The following TNIK variants were observed in gnomAD, a reference collection of about 807,000 sequenced individuals.
TNIK encodes the protein TRAF2 and NCK interacting kinase, also known as TRAF2 and NCK-interacting protein kinase.
TNIK carries 49 observed loss-of-function variants against 191.3 expected under a neutral mutation model. The ratio of observed to expected loss-of-function variants is 0.26; its 90% CI spans 0.20 to 0.32. The LOEUF (loss-of-function observed/expected upper bound fraction) is 0.32. Among genes scored for constraint, TNIK ranks in the 10% least tolerant of loss-of-function variants. The pLI is 1.00. For missense variants in TNIK, 1,155 were observed against 1,702.3 expected (o/e 0.68, Z 5.66); for synonymous variants, 594 against 600.9 (o/e 0.99, Z 0.17).
intron 23 of TNIK, among the ~76,000 whole-genome samples, chr3:171,092,229 C>T (rs143881885): frequency 1.2e-3 from 189 of 152,022 alleles, no homozygotes; most frequent in African/African-American, 4.1e-3. Flanking sequence ...ATTACAGGCA[C>T]GAGCCACCGC....
chr3:171,173,862 C>A (rs1476036983), intron 9 of TNIK, among the ~76,000 whole-genome samples: 2 of 152,118 alleles, frequency 1.3e-5, no homozygotes, highest in Non-Finnish European at 2.9e-5. Flanking sequence ...GTCACTGTCA[C>A]TTCCAGGGAA....
intron 1 of TNIK, among the ~76,000 whole-genome samples, chr3:171,408,384 T>C (rs936614305): frequency 6.6e-6 from 1 of 152,158 alleles, no homozygotes; most frequent in African/African-American, 2.4e-5. Context: ...CATTTAGCCA[T>C]GAAGGGAAGC....
intron 12 of TNIK, among the ~76,000 whole-genome samples, chr3:171,145,729 G>A (rs1321194484): frequency 6.6e-6 from 1 of 150,940 alleles, no homozygotes; most frequent in African/African-American, 2.4e-5. Context: ...CTAGTTTTAA[G>A]AGATAATCCT....
At chr3:171,241,164 G>A (rs546915166) in intron 2 of TNIK, among the ~76,000 whole-genome samples, 5 of 152,024 alleles carry the variant, frequency 3.3e-5, no homozygotes, top group Non-Finnish European at 2.9e-5. Context: ...CCGAGTAGCT[G>A]GGATTACAGG....
chr3:171,209,865 C>T (rs531813361), intron 4 of TNIK, among the ~76,000 whole-genome samples: 10 of 152,244 alleles, frequency 6.6e-5, no homozygotes, highest in Non-Finnish European at 1.3e-4. Flanking sequence ...TGATTGCATT[C>T]ACTGTCTATA....
intron 2 of TNIK, among the ~76,000 whole-genome samples, chr3:171,272,708 T>G (rs958315898): frequency 6.6e-6 from 1 of 152,202 alleles, no homozygotes; most frequent in Non-Finnish European, 1.5e-5. Flanking sequence ...CTCTGTTAAA[T>G]TTCTCATTCT....
chr3:171,188,853 A>G (rs1188356647), intron 6 of TNIK, 21 bp from the exon 7 acceptor site: 1 of 1,611,518 alleles, frequency 6.2e-7, no homozygotes, highest in Non-Finnish European at 8.5e-7. Context: ...AAAGACAAGT[A>G]AATAAAGTCT....
At chr3:171,436,007 A>T (rs1288111746) in intron 1 of TNIK, among the ~76,000 whole-genome samples, 1 of 151,910 alleles carries the variant, frequency 6.6e-6, no homozygotes, top group Non-Finnish European at 1.5e-5. Context: ...CTAAGACACA[A>T]CACATGCAGA....
intron 18 of TNIK, among the ~76,000 whole-genome samples, chr3:171,111,457 T>C (rs181678816): frequency 6.6e-6 from 1 of 150,732 alleles, no homozygotes; most frequent in African/African-American, 2.4e-5. Flanking sequence ...CAAACCACAA[T>C]GAGATATGAC....
intron 2 of TNIK, among the ~76,000 whole-genome samples, chr3:171,304,911 C>T (rs934335216): frequency 2.7e-5 from 4 of 150,274 alleles, no homozygotes; most frequent in South Asian, 2.1e-4. Flanking sequence ...TAATGCTAAA[C>T]GACAAGTTAA....
At position 171,419,544 on chromosome 3, in the gene TNIK, C is replaced by T. The variant is rs551870629; in HGVS notation, c.57+40463G>A. 1.8e-4 allele frequency among the ~76,000 whole-genome samples: 28 copies of T among 152,254 alleles called. 2 individuals carry two copies. Among genetic ancestry groups the T allele is most frequent in the African/African-American group, 6.3e-4 (26 of 41,550 alleles). Reference sequence around the variant, plus strand: ...AAAAATAATAAACAAATAGACAAGGCTCAAGATGATTGCCTAAGGATGAAA... The same window carrying T: ...AAAAATAATAAACAAATAGACAAGGTTCAAGATGATTGCCTAAGGATGAAA... On this transcript the variant is annotated intron_variant, in intron 1 of 32. Coordinates refer to ENST00000436636, the MANE Select transcript of TNIK (RefSeq NM_015028.4).
At chr3:171,069,561 GAGAA>G (rs1475005402) in intron 29 of TNIK, among the ~76,000 whole-genome samples, 1 of 152,222 alleles carries the variant, frequency 6.6e-6, no homozygotes, top group African/African-American at 2.4e-5. Context: ...TTGGGTGGTA[GAGAA>G]AGAGGTGGGA....
chr3:171,308,441 T>G (rs1753690913), intron 2 of TNIK, among the ~76,000 whole-genome samples: 1 of 151,974 alleles, frequency 6.6e-6, no homozygotes, highest in Admixed American at 6.6e-5. Flanking sequence ...AATGTAAAAC[T>G]TAAAACTATA....
chr3:171,272,681 A>AT (rs60321799), intron 2 of TNIK, among the ~76,000 whole-genome samples: 53,575 of 151,696 alleles, frequency 0.35, 9,823 homozygotes, highest in African/African-American at 0.45. Flanking sequence ...CCAGAATTTG[A>AT]TTTTTTTTAT....
At chr3:171,266,297 C>T (rs921437775) in intron 2 of TNIK, among the ~76,000 whole-genome samples, 2 of 152,146 alleles carry the variant, frequency 1.3e-5, no homozygotes, top group Non-Finnish European at 2.9e-5. Context: ...CACCACCCTT[C>T]CCAGGAGGTA....
chr3:171,133,499 G>A (rs1456794670), intron 15 of TNIK, among the ~76,000 whole-genome samples: 1 of 152,142 alleles, frequency 6.6e-6, no homozygotes. Context: ...TAAATGGCAC[G>A]TGCATATTCA....
chr3:171,266,853 T>A (rs1748465020), intron 2 of TNIK, among the ~76,000 whole-genome samples: 1 of 152,190 alleles, frequency 6.6e-6, no homozygotes, highest in African/African-American at 2.4e-5. Flanking sequence ...TTCCTTCTGT[T>A]CTCCAAAGCA....
At chr3:171,097,206 A>G (rs914618861) in intron 22 of TNIK, among the ~76,000 whole-genome samples, 1 of 152,204 alleles carries the variant, frequency 6.6e-6, no homozygotes, top group Non-Finnish European at 1.5e-5. Flanking sequence ...CCATATTACA[A>G]ATGTATGAAC....
At chr3:171,160,209 T>C (rs1733798498) in intron 11 of TNIK, among the ~76,000 whole-genome samples, 1 of 152,202 alleles carries the variant, frequency 6.6e-6, no homozygotes, top group Non-Finnish European at 1.5e-5. Flanking sequence ...TCTTTGACCT[T>C]GAGGAATCCT....
Sources: gnomAD v4.1 joint callset for allele counts (sites outside exome capture counted in the v4.1 genomes callset) on GRCh38, gnomAD v4.1.1 for gene constraint, MANE v1.5 for transcripts, NCBI Gene and HGNC (gene_info 2026-07-23, HGNC 2026-07-21) for gene names.